The following DMD variants were observed in gnomAD, a reference collection of about 807,000 sequenced individuals.
The protein encoded by DMD is mutant dystrophin.
In DMD, 63 loss-of-function variants were observed where a neutral mutation model predicts 330.1. The ratio of observed to expected loss-of-function variants is 0.19; its 90% CI spans 0.16 to 0.24. The LOEUF (loss-of-function observed/expected upper bound fraction) is 0.24. Ranked by LOEUF, DMD falls within the 10% of genes least tolerant of loss-of-function variation. The pLI is 1.00. For missense variants in DMD, 3,344 were observed against 2,684.1 expected (o/e 1.25, Z -5.43); for synonymous variants, 1,223 against 959.8 (o/e 1.27, Z -5.07).
At chrX:33,307,840 G>T (rs1276720213) in intron 1 of DMD, among the ~76,000 whole-genome samples, 1 of 111,179 alleles carries the variant, frequency 9.0e-6, no homozygotes, top group Non-Finnish European at 1.9e-5. Flanking sequence ...AAAATAAGAA[G>T]AAAAATATTT....
intron 54 of DMD, among the ~76,000 whole-genome samples, chrX:31,655,479 T>C (rs1025261385): frequency 3.6e-5 from 4 of 111,244 alleles, no homozygotes; most frequent in Admixed American, 2.9e-4. Context: ...GAAATGAATG[T>C]ATTTTGTCTT....
intron 7 of DMD, among the ~76,000 whole-genome samples, chrX:32,752,167 G>A (rs1174100797): frequency 9.0e-6 from 1 of 111,651 alleles, no homozygotes; most frequent in African/African-American, 3.3e-5. Flanking sequence ...CCAGACCCCA[G>A]AATGGTAGAT....
intron 42 of DMD, among the ~76,000 whole-genome samples, chrX:32,298,541 G>C (rs775490255): frequency 2.9e-5 from 3 of 103,409 alleles, no homozygotes; most frequent in Non-Finnish European, 5.7e-5. Context: ...TGATTCAGGA[G>C]AGGAATCTTG....
At chrX:31,321,863 T>C (rs1311584130) in intron 62 of DMD, among the ~76,000 whole-genome samples, 1 of 111,349 alleles carries the variant, frequency 9.0e-6, no homozygotes, top group African/African-American at 3.3e-5. Flanking sequence ...TTACAGCTTT[T>C]CTGGAATTTG....
At chrX:32,482,872 G>A (rs745403699) in intron 21 of DMD, among the ~76,000 whole-genome samples, 5 of 109,033 alleles carry the variant, frequency 4.6e-5, no homozygotes, top group Non-Finnish European at 7.6e-5. Flanking sequence ...TTCCAACACT[G>A]ATAGTATATT....
intron 2 of DMD, among the ~76,000 whole-genome samples, chrX:32,886,289 T>C (rs760528374): frequency 1.8e-5 from 2 of 109,651 alleles, no homozygotes; most frequent in East Asian, 5.7e-4. Flanking sequence ...AATTTAGGTG[T>C]CCTTATAGCT....
chrX:33,024,458 CA>C (rs917630321), intron 1 of DMD, among the ~76,000 whole-genome samples: 2 of 111,902 alleles, frequency 1.8e-5, no homozygotes, highest in African/African-American at 6.5e-5. Context: ...TCATAAATTG[CA>C]AAAACTGACC....
intron 1 of DMD, among the ~76,000 whole-genome samples, chrX:33,227,630 A>G (rs1297992323): frequency 1.9e-4 from 21 of 110,854 alleles, no homozygotes; most frequent in Non-Finnish European, 3.8e-5. Context: ...TGACAACTCA[A>G]ATCATCTGGA....
chrX:33,282,324 T>C (rs5972805), intron 1 of DMD, among the ~76,000 whole-genome samples: 21,406 of 111,142 alleles, frequency 0.19, 2,743 homozygotes, highest in East Asian at 0.76. Flanking sequence ...TCTGTGCCTA[T>C]TGGGAACAGA....
chrX:31,169,417 A>G (rs781509812), intron 74 of DMD, 26 bp downstream of exon 74: 6 of 1,173,789 alleles, frequency 5.1e-6, no homozygotes, highest in Non-Finnish European at 7.0e-6. Context: ...CTGCATACCA[A>G]TGACAAAGCT....
intron 16 of DMD, among the ~76,000 whole-genome samples, chrX:32,554,165 A>G (rs2049901830): frequency 8.9e-6 from 1 of 112,106 alleles, no homozygotes; most frequent in Non-Finnish European, 1.9e-5. Context: ...ATAGCACTAA[A>G]TGCTCACATC....
At chrX:31,301,890 T>C (rs1455519358) in intron 62 of DMD, among the ~76,000 whole-genome samples, 1 of 111,997 alleles carries the variant, frequency 8.9e-6, no homozygotes. Context: ...GAAGTTACTC[T>C]ACCTCTGGAG....
At chrX:32,679,901 A>ATTTTTTTTTTT (rs1569447513) in intron 9 of DMD, among the ~76,000 whole-genome samples, 2 of 30,952 alleles carry the variant, frequency 6.5e-5, no homozygotes, top group African/African-American at 2.6e-4. Context: ...TAATATTTGT[A>ATTTTTTTTTTT]CTTTTTTTTT....
At chrX:32,444,765 T>G (rs2098296637) in intron 27 of DMD, among the ~76,000 whole-genome samples, 1 of 110,597 alleles carries the variant, frequency 9.0e-6, no homozygotes, top group Admixed American at 9.6e-5. Context: ...GTTTGAATAG[T>G]TAGGCAATTC....
intron 59 of DMD, among the ~76,000 whole-genome samples, chrX:31,450,855 G>A (rs1603009941): frequency 8.9e-6 from 1 of 111,850 alleles, no homozygotes; most frequent in South Asian, 3.7e-4. Flanking sequence ...GTGGTTTTAA[G>A]AGAGAAGGTG....
At chrX:32,364,999 G>C (rs756973604) in intron 35 of DMD, 21 bp downstream of exon 35, 2 of 1,207,556 alleles carry the variant, frequency 1.7e-6, no homozygotes, top group South Asian at 3.5e-5. Context: ...GGGTGTAAAA[G>C]CTTCTAGCCT....
intron 44 of DMD, among the ~76,000 whole-genome samples, chrX:32,147,885 T>A (rs1309816872): frequency 9.6e-6 from 1 of 103,658 alleles, no homozygotes; most frequent in Non-Finnish European, 2.0e-5. Flanking sequence ...TTCTTTTTTT[T>A]TTTTTTTTTT....
intron 9 of DMD, among the ~76,000 whole-genome samples, chrX:32,660,907 A>T (rs2060900570): frequency 9.0e-6 from 1 of 111,559 alleles, no homozygotes; most frequent in Non-Finnish European, 1.9e-5. Context: ...ACTACTTAAG[A>T]TAACATAATC....
chrX:32,458,419 T>C (rs1314166748), intron 25 of DMD, among the ~76,000 whole-genome samples: 1 of 111,778 alleles, frequency 8.9e-6, no homozygotes, highest in Admixed American at 9.5e-5. Flanking sequence ...ATTGTTTCCA[T>C]GTCTTGGCTA....
Sources: gnomAD v4.1 joint callset for allele counts (sites outside exome capture counted in the v4.1 genomes callset) on GRCh38, gnomAD v4.1.1 for gene constraint, MANE v1.5 for transcripts, NCBI Gene and HGNC (gene_info 2026-07-23, HGNC 2026-07-21) for gene names.